The following PLCH2 variants were observed in gnomAD, a reference collection of about 807,000 sequenced individuals.
PLCH2 encodes the protein phospholipase C eta 2.
A neutral mutation model predicts 134.7 loss-of-function variants in PLCH2; 98 were observed. That is an observed-to-expected ratio of 0.73 (90% CI 0.62 to 0.86). The LOEUF (loss-of-function observed/expected upper bound fraction) is 0.86, where lower values mean the gene tolerates loss of function less well. Ranked by LOEUF, PLCH2 falls within the 40% of genes least tolerant of loss-of-function variation. The pLI is 0.00. For synonymous variants in PLCH2, 974 were observed against 827.5 expected (o/e 1.18, Z -3.04); for missense variants, 1,994 against 1,986.6 (o/e 1.00, Z -0.07).
At position 2,502,104 on chromosome 1, in the gene PLCH2, T is replaced by A; in HGVS notation, c.2662-8T>A. The stretch of plus-strand genomic sequence containing the variant: ...TGGCAACAGCTACATGGGCTCCTTC[T>A]CTTGCAGGTCAAGCAGGCTCTGGGC... On this transcript the variant is annotated splice_polypyrimidine_tract_variant and splice_region_variant and intron_variant, in intron 20 of 21. Transcript: ENST00000378486. 7.0e-7 allele frequency: 1 copy of A among 1,429,460 alleles called. No homozygotes were observed. Among genetic ancestry groups the A allele is most frequent in the Non-Finnish European group, 9.1e-7 (1 of 1,095,514 alleles). The allele number at this position is 1,429,460 out of a possible 1,614,324, so 88.5% of individuals were successfully genotyped here.
chr1:2,492,270 A>C (rs541434677), intron 11 of PLCH2: 3 of 152,328 alleles, frequency 2.0e-5, no homozygotes, highest in African/African-American at 7.2e-5. Flanking sequence ...CACAGCTGAC[A>C]CCGCAGGAGA....
chr1:2,436,565 T>TCCTCCTTTCTCCCTCCACCTTC (rs1639431082), intron 2 of PLCH2, among the ~76,000 whole-genome samples: 2 of 86,282 alleles, frequency 2.3e-5, no homozygotes, highest in Non-Finnish European at 4.5e-5. Flanking sequence ...CCTCCACCTT[T>TCCTCCTTTCTCCCTCCACCTTC]CCTCCTTCCT....
At chr1:2,496,545 C>A (rs1193281633) in intron 13 of PLCH2, 62 bp from the exon 14 acceptor site, 3 of 1,381,354 alleles carry the variant, frequency 2.2e-6, no homozygotes, top group Admixed American at 3.9e-5. Flanking sequence ...GCCCGTCTCA[C>A]GGAGCTGGGT....
rs987789701 is a variant in PLCH2 at position 2,487,770 on chromosome 1, C to T, written c.1235+52C>T. The T allele has an allele frequency of 1.5e-5, 24 of 1,565,640 alleles. 1 individual carries two copies. In the South Asian group the frequency reaches 2.4e-4, roughly 16 times the overall value. The stretch of plus-strand genomic sequence containing the variant: ...GCCCCAGAGGTGGGCAGGGTAGGGT[C>T]TCCAGGCTCTAGCTCTTCCTGCCAC... On this transcript the variant is annotated intron_variant, in intron 8 of 21. Transcript: ENST00000378486.
At position 2,504,092 on chromosome 1, in the gene PLCH2, C is replaced by T. The variant is rs779293145; in HGVS notation, c.3130C>T (p.Pro1044Ser). Residue 1044 changes from proline (P) to serine (S), a missense_variant, in exon 22 of 22, where the codon CCC becomes TCC. Around this residue, in one of 2 missense-constraint regions of PLCH2, gnomAD observed 900 missense variants for 752.3 expected, o/e 1.20. Coordinates refer to ENST00000378486, the MANE Select transcript of PLCH2 (RefSeq NM_014638.4). ...AGGACCCGGAGCCAATGTGGCAAGC[C>T]CCCTAGAGGACACTGAGGAGCCCCG... The part of the protein sequence containing the change: ...PTGPGANVAS[P>S]LEDTEEPRDS... 1.8e-5 allele frequency: 27 copies of T among 1,535,968 alleles called. No homozygotes were observed. The highest frequency in any genetic ancestry group is 2.2e-5 in the Non-Finnish European group (25 of 1,141,342).
Position 2,452,917 on chromosome 1 carries a change from G to T in PLCH2, c.115+22288G>T, listed in dbSNP as rs117959159. 4.0e-4 allele frequency among the ~76,000 whole-genome samples: 61 copies of T among 152,312 alleles called. 1 individual carries two copies. The East Asian group carries it at 0.01, about 25-fold the overall frequency. On this transcript the variant is annotated intron_variant, in intron 2 of 3. Transcript: ENST00000609981. ...CAGCCTGGAGGAAGGGTGCCTGTTG[G>T]CACCTGGTCCTGGCTTCTCAGGCGG...
At chr1:2,459,996 C>T (rs1430648221) in intron 2 of PLCH2, among the ~76,000 whole-genome samples, 2 of 152,204 alleles carry the variant, frequency 1.3e-5, no homozygotes, top group African/African-American at 2.4e-5. Flanking sequence ...TGGCTCCAAG[C>T]GAGCACCCTG....
At chr1:2,451,263 C>T (rs1205270424) in intron 2 of PLCH2, among the ~76,000 whole-genome samples, 2 of 152,290 alleles carry the variant, frequency 1.3e-5, no homozygotes, top group East Asian at 1.9e-4. Flanking sequence ...GGGCTTGCCT[C>T]GTGTCCCGAT....
chr1:2,449,499 A>AAACCAACCAACC (rs34463698), intron 2 of PLCH2, among the ~76,000 whole-genome samples: 1 of 150,250 alleles, frequency 6.7e-6, no homozygotes, highest in Non-Finnish European at 1.5e-5. Context: ...TGTCTCAACA[A>AAACCAACCAACC]AACCAACCAA....
At position 2,484,690 on chromosome 1, in the gene PLCH2, A is replaced by G. The variant is rs1157970863; in HGVS notation, c.816+72A>G. 7.8e-6 allele frequency: 12 copies of G among 1,532,958 alleles called. No individual in the cohort carries two copies. In the African/African-American group the frequency reaches 1.6e-4, roughly 21 times the overall value. 95.0% of individuals were successfully genotyped at this position (1,532,958 alleles called of 1,614,324 possible). A position where few individuals can be genotyped will look rare whatever the true frequency, so the allele number is the denominator to read the frequency against. ...CCTTCTGTTCTGAGCTTTGAGCTTC[A>G]GTCAGGGGACAGTGGTGATGGGGGA... On this transcript the variant is annotated intron_variant, in intron 5 of 21. Transcript: ENST00000378486.
In PLCH2 at chr1:2,502,145, C is replaced by G. The variant is rs1643259001; in HGVS notation, c.2695C>G (p.Leu899Val). The G allele has an allele frequency of 6.8e-7, 1 of 1,476,770 alleles. No individual in the cohort carries two copies. The highest frequency in any genetic ancestry group is 8.9e-7 in the Non-Finnish European group (1 of 1,118,210). 91.5% of individuals were successfully genotyped at this position (1,476,770 alleles called of 1,614,324 possible). ...KQALGLKGLF[L>V]RGPKPGSLDS... ...GGCTCTGGGCCTAAAAGGCCTCTTCCTCCGAGGCCCAAAGCCCGGCTCGCT... is the reference window on the plus strand; with the variant it reads ...GGCTCTGGGCCTAAAAGGCCTCTTCGTCCGAGGCCCAAAGCCCGGCTCGCT... The change falls in exon 21 of 22, where the codon CTC (leucine) becomes GTC (valine). Residue 899 changes from leucine (L) to valine (V), a missense_variant. This residue lies in a region of PLCH2 where 900 missense variants were observed against 752.3 expected (regional missense o/e 1.20). Coordinates refer to ENST00000378486, the MANE Select transcript of PLCH2 (RefSeq NM_014638.4).
chr1:2,437,492 T>C (rs1380247594), intron 2 of PLCH2, among the ~76,000 whole-genome samples: 1 of 151,936 alleles, frequency 6.6e-6, no homozygotes, highest in African/African-American at 2.4e-5. Context: ...GGGGCCCAGA[T>C]CCTGGGAACA....
chr1:2,488,515 A>C (rs1347908923), intron 8 of PLCH2, among the ~76,000 whole-genome samples: 1 of 152,230 alleles, frequency 6.6e-6, no homozygotes, highest in Non-Finnish European at 1.5e-5. Flanking sequence ...CCCACTCCAC[A>C]TCACAGGACT....
chr1:2,502,120 G>A lies in PLCH2; in HGVS notation c.2670G>A (p.Gln890=). The A allele has an allele frequency of 1.4e-6, 2 of 1,445,860 alleles. No individual in the cohort carries two copies. The highest frequency in any genetic ancestry group is 1.8e-4 in the Middle Eastern group (1 of 5,574). 89.6% of individuals were successfully genotyped at this position (1,445,860 alleles called of 1,614,324 possible). A position where few individuals can be genotyped will look rare whatever the true frequency, so the allele number is the denominator to read the frequency against. Residue 890 remains glutamine, a synonymous_variant, in exon 21 of 22, where the codon CAG becomes CAA. Coordinates refer to ENST00000378486, the MANE Select transcript of PLCH2 (RefSeq NM_014638.4). ...GGCTCCTTCTCTTGCAGGTCAAGCA[G>A]GCTCTGGGCCTAAAAGGCCTCTTCC... ...AVSDISGKVK[Q]ALGLKGLFLR...
At chr1:2,417,877 C>G in the PLCH2 span, among the ~76,000 whole-genome samples, 1 of 152,200 alleles carries the variant, frequency 6.6e-6, no homozygotes, top group East Asian at 1.9e-4. Flanking sequence ...CCTCACCTGT[C>G]AAGTGGGGGA....
intron 2 of PLCH2, among the ~76,000 whole-genome samples, chr1:2,435,019 C>T (rs1639259427): frequency 6.6e-6 from 1 of 152,242 alleles, no homozygotes; most frequent in African/African-American, 2.4e-5. Context: ...CGAGCCTCAG[C>T]ATGCAGCAGG....
chr1:2,497,133 T>A, intron 15 of PLCH2, 123 bp downstream of exon 15: 1 of 949,786 alleles, frequency 1.1e-6, no homozygotes, highest in Non-Finnish European at 1.6e-6. Flanking sequence ...CTATTGCCCT[T>A]GGAGCCTCCA....
Position 2,495,522 on chromosome 1 carries a change from T to G in PLCH2, c.1787T>G (p.Val596Gly). The G allele has an allele frequency of 6.4e-7, 1 of 1,551,574 alleles. No individual in the cohort carries two copies. Among genetic ancestry groups the G allele is most frequent in the Non-Finnish European group, 8.7e-7 (1 of 1,147,146 alleles). ...KGSKLKKAAS[V>G]EEGDEGQDSP... ...AGCAAGCTGAAGAAGGCGGCCAGCG[T>G]GGAGGAGGGAGATGAGGGTCAGGAC... Residue 596 changes from valine to glycine, a missense_variant, in exon 13 of 22, where the codon GTG (valine) becomes GGG (glycine). Val to Gly is a moderately radical substitution (Grantham distance 109, BLOSUM62 -3). Transcript: ENST00000378486.
chr1:2,499,598 G>T (rs538581790), intron 19 of PLCH2, 43 bp from the exon 20 acceptor site: 2 of 1,431,868 alleles, frequency 1.4e-6, no homozygotes, highest in East Asian at 2.4e-5. Context: ...GGGGGCCCTG[G>T]GAGGCTGTGA....
Sources: allele counts gnomAD v4.1 joint callset (sites outside exome capture counted in the v4.1 genomes callset), GRCh38; gene constraint gnomAD v4.1.1; regional missense constraint gnomAD v4.1.1; transcripts MANE v1.5; gene names NCBI Gene and HGNC (gene_info 2026-07-23, HGNC 2026-07-21).